Variants in FHIT observed in about 807,000 individuals in gnomAD.
FHIT encodes the protein bis(5'-adenosyl)-triphosphatase.
FHIT carries 19 observed loss-of-function variants against 17.9 expected under a neutral mutation model. The observed-to-expected ratio is 1.06, with a 90% CI of 0.74 to 1.56. FHIT has a LOEUF of 1.56. Ranked by LOEUF, FHIT falls within the 40% of genes most tolerant of loss-of-function variation. The pLI is 0.00. For synonymous variants in FHIT, 81 were observed against 69.7 expected, an observed-to-expected ratio of 1.16 and a Z score of -0.81; for missense variants, 248 against 189.2, an observed-to-expected ratio of 1.31 and a Z score of -1.82.
chr3:60,554,241 TAA>T (rs11297542), intron 4 of FHIT, among the ~76,000 whole-genome samples: 49 of 145,788 alleles, frequency 3.4e-4, no homozygotes, highest in East Asian at 7.9e-4. Context: ...TCTTAACGGT[TAA>T]AAAAAAAAAA....
intron 5 of FHIT, among the ~76,000 whole-genome samples, chr3:60,430,216 T>C (rs570763246): frequency 1.6e-4 from 25 of 152,190 alleles, no homozygotes; most frequent in African/African-American, 5.1e-4. Context: ...CACTGGAGAA[T>C]AGAGCGAGTA....
chr3:61,031,098 G>A (rs2032989327), intron 3 of FHIT, among the ~76,000 whole-genome samples: 2 of 151,938 alleles, frequency 1.3e-5, no homozygotes, highest in Admixed American at 6.5e-5. Flanking sequence ...AGTTATTCTC[G>A]TTCAGCAAAA....
intron 4 of FHIT, among the ~76,000 whole-genome samples, chr3:60,592,469 T>C (rs1553664708): frequency 6.6e-6 from 1 of 152,010 alleles, no homozygotes; most frequent in East Asian, 1.9e-4. Context: ...GACCAGAACT[T>C]GTCTGGCCAC....
chr3:60,501,158 C>T (rs1005632779), intron 5 of FHIT, among the ~76,000 whole-genome samples: 3 of 152,098 alleles, frequency 2.0e-5, no homozygotes, highest in African/African-American at 7.2e-5. Context: ...GAGAACAAGC[C>T]ATTCTGTAAA....
At chr3:60,274,394 T>G (rs1707022706) in intron 5 of FHIT, among the ~76,000 whole-genome samples, 1 of 152,158 alleles carries the variant, frequency 6.6e-6, no homozygotes, top group African/African-American at 2.4e-5. Flanking sequence ...AATAAATATT[T>G]GAAGAACGAA....
chr3:60,270,435 A>C (rs1348559384), intron 5 of FHIT, among the ~76,000 whole-genome samples: 1 of 152,200 alleles, frequency 6.6e-6, no homozygotes, highest in East Asian at 1.9e-4. Context: ...TCACCAGTCC[A>C]TTTGCCTCAA....
chr3:60,263,206 A>C (rs765926990), intron 5 of FHIT, among the ~76,000 whole-genome samples: 2 of 152,014 alleles, frequency 1.3e-5, no homozygotes, highest in Non-Finnish European at 2.9e-5. Flanking sequence ...TCAAGTGTTG[A>C]CAAGGATTGG....
At chr3:60,318,181 T>C (rs1472604857) in intron 5 of FHIT, among the ~76,000 whole-genome samples, 5 of 152,200 alleles carry the variant, frequency 3.3e-5, no homozygotes, top group African/African-American at 1.2e-4. Flanking sequence ...AGGGCTTTTC[T>C]GGACATTAAA....
chr3:60,930,999 T>C (rs1266025598), intron 3 of FHIT, among the ~76,000 whole-genome samples: 4 of 152,072 alleles, frequency 2.6e-5, no homozygotes, highest in Admixed American at 1.3e-4. Flanking sequence ...ATTAAGAAAA[T>C]GTGGCACATA....
chr3:61,111,171 C>G (rs1400964042), intron 2 of FHIT, among the ~76,000 whole-genome samples: 1 of 152,150 alleles, frequency 6.6e-6, no homozygotes, highest in Admixed American at 6.5e-5. Flanking sequence ...TGGTCTTGAG[C>G]ATATCATTTA....
At position 60,414,916 on chromosome 3, in the gene FHIT, A is replaced by C. The variant is rs369715836; in HGVS notation, c.103+121944T>G. 5.3e-5 allele frequency among the ~76,000 whole-genome samples: 8 copies of C among 152,330 alleles called. 1 individual carries two copies. Among genetic ancestry groups the C allele is most frequent in the South Asian group, 4.1e-4 (2 of 4,822 alleles). ...TTAGTATTTGAAAAGTTAGATAGAA[A>C]GCTACCAGAATTTTGATAGTTTCGT... On this transcript the variant is annotated intron_variant, in intron 5 of 9. Transcript: ENST00000492590.
At chr3:60,924,407 C>T (rs919371633) in intron 3 of FHIT, among the ~76,000 whole-genome samples, 8 of 152,094 alleles carry the variant, frequency 5.3e-5, no homozygotes, top group South Asian at 2.1e-4. Flanking sequence ...CACCAATATC[C>T]GCTGTTCTGC....
chr3:60,300,242 C>A (rs1414244008), intron 5 of FHIT, among the ~76,000 whole-genome samples: 1 of 152,012 alleles, frequency 6.6e-6, no homozygotes, highest in Non-Finnish European at 1.5e-5. Context: ...AAGTGAAAGT[C>A]CCCTTGTTTT....
chr3:60,951,657 A>C (rs1455288638), intron 3 of FHIT, among the ~76,000 whole-genome samples: 1 of 152,238 alleles, frequency 6.6e-6, no homozygotes, highest in Non-Finnish European at 1.5e-5. Flanking sequence ...CTACCAGCAC[A>C]ACGCTCTCGG....
intron 5 of FHIT, among the ~76,000 whole-genome samples, chr3:60,437,170 A>G (rs2030345296): frequency 6.6e-6 from 1 of 152,104 alleles, no homozygotes; most frequent in Non-Finnish European, 1.5e-5. Context: ...TTAAAAACCC[A>G]TCACTGATGT....
chr3:61,131,047 G>A (rs1026066653), intron 2 of FHIT, among the ~76,000 whole-genome samples: 3 of 152,224 alleles, frequency 2.0e-5, no homozygotes, highest in Admixed American at 2.0e-4. Flanking sequence ...TGAAAGATTA[G>A]TTGACTCAGG....
intron 3 of FHIT, among the ~76,000 whole-genome samples, chr3:60,905,569 A>G (rs1307524161): frequency 6.6e-6 from 1 of 152,216 alleles, no homozygotes; most frequent in Non-Finnish European, 1.5e-5. Flanking sequence ...AATACTGGAA[A>G]GAATCTAAAT....
At chr3:60,964,487 G>T (rs1553782385) in intron 3 of FHIT, among the ~76,000 whole-genome samples, 1 of 152,060 alleles carries the variant, frequency 6.6e-6, no homozygotes, top group Non-Finnish European at 1.5e-5. Context: ...GATGTTAGCT[G>T]GTTATTTCGC....
intron 4 of FHIT, among the ~76,000 whole-genome samples, chr3:60,619,359 TAACA>T (rs1351762132): frequency 2.0e-5 from 3 of 152,120 alleles, no homozygotes; most frequent in Admixed American, 1.3e-4. Flanking sequence ...TTGTGGATAT[TAACA>T]AACTGATTCT....
Sources: allele counts gnomAD v4.1 joint callset (sites outside exome capture counted in the v4.1 genomes callset), GRCh38; gene constraint gnomAD v4.1.1; transcripts MANE v1.5; gene names NCBI Gene and HGNC (gene_info 2026-07-23, HGNC 2026-07-21).